The following SAMD5 variants were observed in gnomAD, a reference collection of about 807,000 sequenced individuals.
The protein encoded by SAMD5 is sterile alpha motif domain-containing protein 5.
SAMD5 carries 13 observed loss-of-function variants against 11.3 expected under a neutral mutation model. That is an observed-to-expected ratio of 1.15 (90% CI 0.75 to 1.83). The LOEUF (loss-of-function observed/expected upper bound fraction) is 1.83. Among genes scored for constraint, SAMD5 ranks in the 40% most tolerant of loss-of-function variants. SAMD5 has a pLI of 0.00. For synonymous variants in SAMD5, 129 were observed against 111.3 expected, an observed-to-expected ratio of 1.16 and a Z score of -1.00; for missense variants, 255 against 239.1, an observed-to-expected ratio of 1.07 and a Z score of -0.44.
chr6:147,893,847 C>T, the SAMD5 span, among the ~76,000 whole-genome samples: 1 of 152,072 alleles, frequency 6.6e-6, no homozygotes, highest in African/African-American at 2.4e-5. Context: ...TGGTGTATTT[C>T]TTTCTGGTCT....
the SAMD5 span, among the ~76,000 whole-genome samples, chr6:147,892,712 G>A: frequency 2.6e-5 from 4 of 152,122 alleles, no homozygotes; most frequent in East Asian, 3.9e-4. Context: ...GAAAGGCAGC[G>A]CCTTAATACA....
intron 1 of SAMD5, among the ~76,000 whole-genome samples, chr6:147,548,867 T>C (rs1392831636): frequency 6.6e-6 from 1 of 152,108 alleles, no homozygotes; most frequent in Admixed American, 6.6e-5. Context: ...ATCACCTTTC[T>C]TGCATTGCCC....
At chr6:147,717,814 G>T (rs1373714505) in intron 1 of SAMD5, among the ~76,000 whole-genome samples, 1 of 152,040 alleles carries the variant, frequency 6.6e-6, no homozygotes, top group Admixed American at 6.6e-5. Flanking sequence ...TTGCACCACT[G>T]CACTCCAGCC....
the SAMD5 span, among the ~76,000 whole-genome samples, chr6:147,886,243 A>T: frequency 6.6e-6 from 1 of 152,206 alleles, no homozygotes; most frequent in East Asian, 1.9e-4. Context: ...CCAAAATTGC[A>T]TTCGATGTAA....
In SAMD5 at chr6:147,550,528, T is replaced by C. The variant is rs185183390; in HGVS notation, c.460-13866T>C. On this transcript the variant is annotated intron_variant, in intron 1 of 1. Coordinates refer to ENST00000367474, the MANE Select transcript of SAMD5 (RefSeq NM_001030060.3). ...AAGTATCCATCAATGGATGACTAGA[T>C]TAAAAAAATGTGGTATATATACACA... Among the ~76,000 whole-genome samples, 516 of 152,212 alleles carry C rather than the reference T, an allele frequency of 3.4e-3. 2 individuals are homozygous for C. The highest frequency in any genetic ancestry group is 0.012 in the African/African-American group (482 of 41,518).
At chr6:147,640,533 C>G (rs1440470784) in intron 1 of SAMD5, among the ~76,000 whole-genome samples, 1 of 94,640 alleles carries the variant, frequency 1.1e-5, no homozygotes, top group Non-Finnish European at 2.3e-5. Context: ...GAATAACAGA[C>G]ATAAAATTAA....
intron 1 of SAMD5, among the ~76,000 whole-genome samples, chr6:147,619,719 C>G (rs1429363559): frequency 6.6e-6 from 1 of 152,196 alleles, no homozygotes; most frequent in Non-Finnish European, 1.5e-5. Context: ...CTACAGATAA[C>G]TGTTGGCTGC....
intron 1 of SAMD5, among the ~76,000 whole-genome samples, chr6:147,640,184 G>A (rs2128452265): frequency 6.6e-6 from 1 of 152,050 alleles, no homozygotes; most frequent in East Asian, 1.9e-4. Context: ...AAATTAGCTG[G>A]GTGTGGTGGC....
At chr6:147,877,494 A>G in the SAMD5 span, among the ~76,000 whole-genome samples, 1 of 152,314 alleles carries the variant, frequency 6.6e-6, no homozygotes, top group African/African-American at 2.4e-5. Flanking sequence ...TGTATTTGAC[A>G]CATTTGTTTT....
intron 1 of SAMD5, among the ~76,000 whole-genome samples, chr6:147,698,066 C>G (rs1791201654): frequency 1.3e-5 from 2 of 152,168 alleles, no homozygotes; most frequent in Non-Finnish European, 2.9e-5. Flanking sequence ...CCCGCACACG[C>G]AGTTCACAGT....
chr6:147,819,057 G>A, the SAMD5 span, among the ~76,000 whole-genome samples: 2 of 152,160 alleles, frequency 1.3e-5, no homozygotes, highest in South Asian at 4.1e-4. Flanking sequence ...ATTCACAATA[G>A]CAAAGACATG....
intron 1 of SAMD5, among the ~76,000 whole-genome samples, chr6:147,541,107 G>T (rs765815924): frequency 1.3e-5 from 2 of 151,736 alleles, no homozygotes; most frequent in Non-Finnish European, 2.9e-5. Flanking sequence ...CCACCACCAC[G>T]CCTGGATAAT....
At chr6:147,870,204 A>G in the SAMD5 span, among the ~76,000 whole-genome samples, 1 of 152,082 alleles carries the variant, frequency 6.6e-6, no homozygotes, top group Non-Finnish European at 1.5e-5. Flanking sequence ...TGGGATAGCA[A>G]GGTAACACAT....
the SAMD5 span, among the ~76,000 whole-genome samples, chr6:147,863,592 C>T: frequency 6.6e-6 from 1 of 151,926 alleles, no homozygotes; most frequent in East Asian, 1.9e-4. Context: ...CCCCGACCCC[C>T]TTTTCTCCCC....
chr6:147,943,194 G>A, the SAMD5 span, among the ~76,000 whole-genome samples: 1 of 152,286 alleles, frequency 6.6e-6, no homozygotes, highest in Admixed American at 6.5e-5. Context: ...CAGATCAGGA[G>A]ATGAGAAATA....
chr6:147,720,453 ACT>A (rs965473218), intron 1 of SAMD5, among the ~76,000 whole-genome samples: 12 of 122,302 alleles, frequency 9.8e-5, no homozygotes, highest in African/African-American at 3.4e-4. Flanking sequence ...ACAGAGCGAG[ACT>A]CTGTCTCAAA....
chr6:147,760,146 C>T, the SAMD5 span, among the ~76,000 whole-genome samples: 1 of 151,934 alleles, frequency 6.6e-6, no homozygotes, highest in Non-Finnish European at 1.5e-5. Flanking sequence ...ATATCCTAGG[C>T]CAGAAAGTAA....
chr6:147,833,741 T>C, the SAMD5 span, among the ~76,000 whole-genome samples: 4 of 152,244 alleles, frequency 2.6e-5, no homozygotes, highest in African/African-American at 9.6e-5. Flanking sequence ...TTTTCTTCAA[T>C]TTGTGTCTAG....
intron 1 of SAMD5, among the ~76,000 whole-genome samples, chr6:147,719,389 T>G (rs1395009820): frequency 1.3e-5 from 2 of 152,166 alleles, no homozygotes; most frequent in Non-Finnish European, 2.9e-5. Flanking sequence ...GGATATCTGA[T>G]TCATTCTGTT....
Sources: gnomAD v4.1 joint callset for allele counts (sites outside exome capture counted in the v4.1 genomes callset) on GRCh38, gnomAD v4.1.1 for gene constraint, MANE v1.5 for transcripts, NCBI Gene and HGNC (gene_info 2026-07-23, HGNC 2026-07-21) for gene names.